The following ANK1 variants were observed in gnomAD, a reference collection of about 807,000 sequenced individuals.
ANK1 encodes ankyrin-1.
ANK1 carries 51 observed loss-of-function variants against 210.4 expected under a neutral mutation model. The ratio of observed to expected loss-of-function variants is 0.24; its 90% CI spans 0.19 to 0.31. ANK1 has a LOEUF of 0.31. ANK1 is among the 10% of genes least tolerant of loss of function. ANK1 has a pLI of 1.00. For missense variants in ANK1, 2,051 were observed against 2,504.4 expected (o/e 0.82, Z 3.86); for synonymous variants, 967 against 1,025.9 (o/e 0.94, Z 1.10).
At chr8:41,661,764 G>T in intron 41 of ANK1, 112 bp downstream of exon 41, 1 of 1,611,568 alleles carries the variant, frequency 6.2e-7, no homozygotes. Flanking sequence ...CAGCAGTGAT[G>T]GCGCTGGGTC....
At chr8:41,705,343 C>T (rs895607263) in intron 18 of ANK1, among the ~76,000 whole-genome samples, 10 of 152,206 alleles carry the variant, frequency 6.6e-5, no homozygotes, top group Admixed American at 1.3e-4. Flanking sequence ...AAAGACTAAA[C>T]GGGGCCCGCA....
chr8:41,843,425 A>T (rs1417151588), intron 1 of ANK1, among the ~76,000 whole-genome samples: 1 of 61,614 alleles, frequency 1.6e-5, no homozygotes, highest in Non-Finnish European at 3.3e-5. Flanking sequence ...CCCACCCCAC[A>T]CTCCTCCCAG....
rs1830121756 is a variant in ANK1, at chr8:41,724,311, C to G, written c.711+145G>C. On this transcript the variant is annotated intron_variant, in intron 7 of 42. Transcript: ENST00000289734. ...AACTGGGGGGTAGATGATCAGAAAC[C>G]TGCCAGCAAGGAGCCCGACCAGACA... 4.2e-5 allele frequency: 31 copies of G among 732,572 alleles called. No homozygotes were observed. In the South Asian group the frequency reaches 4.7e-4, roughly 11 times the overall value. 45.4% of individuals were successfully genotyped at this position (732,572 alleles called of 1,614,324 possible). A position where few individuals can be genotyped will look rare whatever the true frequency, so the allele number is the denominator to read the frequency against.
At chr8:41,748,960 G>A (rs1836931984) in intron 2 of ANK1, among the ~76,000 whole-genome samples, 1 of 152,004 alleles carries the variant, frequency 6.6e-6, no homozygotes. Flanking sequence ...GCATGAACCT[G>A]GGAGGCGGAG....
intron 1 of ANK1, among the ~76,000 whole-genome samples, chr8:41,863,008 T>C (rs1439303010): frequency 6.6e-6 from 1 of 151,408 alleles, no homozygotes; most frequent in Admixed American, 6.6e-5. Flanking sequence ...AAAGACCCTG[T>C]CTCTAAAAAT....
At chr8:41,820,139 C>T (rs967417169) in intron 1 of ANK1, among the ~76,000 whole-genome samples, 14 of 151,326 alleles carry the variant, frequency 9.3e-5, no homozygotes, top group African/African-American at 2.2e-4. Flanking sequence ...AATTCACACA[C>T]GTTTTCTAAT....
At chr8:41,834,134 C>T (rs900564518) in intron 1 of ANK1, among the ~76,000 whole-genome samples, 2 of 152,186 alleles carry the variant, frequency 1.3e-5, no homozygotes, top group Non-Finnish European at 2.9e-5. Context: ...CCCAGCAGGT[C>T]AGAGCCACAG....
chr8:41,784,111 T>C (rs1406370965), intron 1 of ANK1, among the ~76,000 whole-genome samples: 2 of 151,618 alleles, frequency 1.3e-5, no homozygotes, highest in African/African-American at 4.8e-5. Context: ...TAACAGTGTT[T>C]AAGCCAAGAT....
At chr8:41,688,458 G>A (rs1435327614) in intron 34 of ANK1, 53 bp downstream of exon 34, 31 of 1,585,598 alleles carry the variant, frequency 2.0e-5, no homozygotes, top group Non-Finnish European at 2.4e-5. Context: ...ATGAGCTCAC[G>A]CCCACCCTTC....
chr8:41,728,718 T>A (rs529675515), intron 3 of ANK1, among the ~76,000 whole-genome samples: 342 of 152,094 alleles, frequency 2.2e-3, no homozygotes, highest in Non-Finnish European at 4.1e-3. Context: ...TAATTAAAAA[T>A]AAAAAATTTT....
chr8:41,681,997 T>C (rs1229456533), intron 37 of ANK1, among the ~76,000 whole-genome samples: 3 of 152,094 alleles, frequency 2.0e-5, no homozygotes, highest in Admixed American at 2.0e-4. Context: ...ACTGTGACCA[T>C]CTGAAATCAA....
intron 17 of ANK1, among the ~76,000 whole-genome samples, chr8:41,708,258 T>C (rs983986255): frequency 6.6e-6 from 1 of 152,206 alleles, no homozygotes; most frequent in Non-Finnish European, 1.5e-5. Flanking sequence ...TGAGAAACAT[T>C]ATGAATGCTT....
At chr8:41,736,554 G>T (rs1377939763) in intron 2 of ANK1, among the ~76,000 whole-genome samples, 1 of 152,214 alleles carries the variant, frequency 6.6e-6, no homozygotes, top group Admixed American at 6.5e-5. Flanking sequence ...GCTGCTGGCC[G>T]CTTACTGCGG....
intron 37 of ANK1, 80 bp downstream of exon 37, chr8:41,684,464 T>C (rs1298518726): frequency 7.0e-6 from 11 of 1,581,740 alleles, no homozygotes; most frequent in Non-Finnish European, 9.5e-6. Context: ...GGATGACGTA[T>C]TGTGGGAAGG....
chr8:41,765,011 T>C (rs1163149544), intron 1 of ANK1, among the ~76,000 whole-genome samples: 1 of 152,176 alleles, frequency 6.6e-6, no homozygotes, highest in African/African-American at 2.4e-5. Context: ...CTAGGTAGCA[T>C]ACTTCTTAAC....
intron 37 of ANK1, 32 bp downstream of exon 37, chr8:41,684,512 C>G (rs1276945896): frequency 6.2e-7 from 1 of 1,612,736 alleles, no homozygotes; most frequent in Non-Finnish European, 8.5e-7. Flanking sequence ...AGGGCTCCGG[C>G]TCAGTCCCCA....
chr8:41,805,753 T>C (rs1415105866), intron 1 of ANK1, among the ~76,000 whole-genome samples: 2 of 152,234 alleles, frequency 1.3e-5, no homozygotes, highest in African/African-American at 4.8e-5. Flanking sequence ...GTCACTACTT[T>C]CCATTTTTGC....
intron 37 of ANK1, among the ~76,000 whole-genome samples, chr8:41,678,815 C>T (rs762020459): frequency 6.6e-6 from 1 of 152,168 alleles, no homozygotes; most frequent in Non-Finnish European, 1.5e-5. Flanking sequence ...CAGAGTCTCG[C>T]TTTTGTTGCC....
chr8:41,688,477 G>C (rs997389766), intron 34 of ANK1, 34 bp downstream of exon 34: 2 of 1,606,486 alleles, frequency 1.2e-6, no homozygotes, highest in East Asian at 2.2e-5. Context: ...TCTTGGGAAG[G>C]GAGCAAGCAT....
Sources: gnomAD v4.1 joint callset for allele counts (sites outside exome capture counted in the v4.1 genomes callset) on GRCh38, gnomAD v4.1.1 for gene constraint, MANE v1.5 for transcripts, NCBI Gene and HGNC (gene_info 2026-07-23, HGNC 2026-07-21) for gene names.